Variants in CREM observed in about 807,000 individuals in gnomAD.
CREM encodes the protein cAMP-responsive element modulator.
In CREM, 13 loss-of-function variants were observed where a neutral mutation model predicts 37.3. The observed-to-expected ratio is 0.35, with a 90% confidence interval of 0.23 to 0.55. The LOEUF is 0.55. Ranked by LOEUF, CREM falls within the 20% of genes least tolerant of loss-of-function variation. CREM has a pLI of 0.88. For missense variants in CREM, 296 were observed against 362.3 expected, an observed-to-expected ratio of 0.82 and a Z score of 1.49; for synonymous variants, 124 against 120.2, an observed-to-expected ratio of 1.03 and a Z score of -0.21.
intron 3 of CREM, among the ~76,000 whole-genome samples, chr10:35,154,723 C>G (rs759486811): frequency 2.6e-5 from 4 of 152,016 alleles, no homozygotes; most frequent in Non-Finnish European, 5.9e-5. Flanking sequence ...TAATTTTTTT[C>G]AATAAATGCT....
At chr10:35,179,485 T>C (rs1160570457) in intron 5 of CREM, 1 of 543,178 alleles carries the variant, frequency 1.8e-6, no homozygotes, top group East Asian at 3.4e-5. Context: ...AAATTTTGAC[T>C]GCCGAATATA....
intron 2 of CREM, 34 bp downstream of exon 2, chr10:35,137,913 A>C: frequency 6.5e-7 from 1 of 1,545,334 alleles, no homozygotes; most frequent in African/African-American, 1.4e-5. Context: ...TTCTTTTGAA[A>C]ATTCTACTTA....
intron 3 of CREM, among the ~76,000 whole-genome samples, chr10:35,158,798 G>GTGTTTTTTTT (rs2093078412): frequency 3.0e-5 from 3 of 100,840 alleles, no homozygotes; most frequent in African/African-American, 1.1e-4. Context: ...CAAATATAGT[G>GTGTTTTTTTT]TTTTTTTTTT....
At chr10:35,171,865 T>C (rs1177013313) in intron 3 of CREM, among the ~76,000 whole-genome samples, 3 of 152,236 alleles carry the variant, frequency 2.0e-5, no homozygotes, top group Non-Finnish European at 1.5e-5. Flanking sequence ...GAAAATGTAA[T>C]ATCTTCAGAA....
chr10:35,137,881 T>G lies in CREM; in HGVS notation c.44+2T>G. On this transcript the variant is annotated splice_donor_variant, in intron 2 of 7. Transcript: ENST00000685392. LOFTEE classifies it high-confidence loss of function. ...AAAATATATTAAGACAAATCCAAGG[T>G]AGGTAGATGTACGTTTTTCTGTTCT... 6.3e-7 allele frequency: 1 copy of G among 1,583,068 alleles called. No homozygotes were observed. The highest frequency in any genetic ancestry group is 8.6e-7 in the Non-Finnish European group (1 of 1,164,676).
chr10:35,135,261 C>T (rs2090256344), intron 1 of CREM, among the ~76,000 whole-genome samples: 1 of 152,076 alleles, frequency 6.6e-6, no homozygotes, highest in African/African-American at 2.4e-5. Flanking sequence ...TATTACTTGC[C>T]TATAACAAAC....
intron 3 of CREM, among the ~76,000 whole-genome samples, chr10:35,153,586 A>AAGG (rs1274026275): frequency 1.3e-5 from 2 of 152,140 alleles, no homozygotes; most frequent in Admixed American, 6.5e-5. Flanking sequence ...CTAGGTGGGT[A>AAGG]AGGTCATTCA....
At chr10:35,196,364 T>C in intron 6 of CREM, 1 of 496,064 alleles carries the variant, frequency 2.0e-6, no homozygotes, top group South Asian at 2.6e-5. Flanking sequence ...TTTGGAAGAC[T>C]TAGTTACTAA....
At chr10:35,195,988 G>A in intron 6 of CREM, 1 of 1,529,954 alleles carries the variant, frequency 6.5e-7, no homozygotes, top group Non-Finnish European at 9.0e-7. Flanking sequence ...AGCTTTTCTT[G>A]TTAGCCCTAC....
intron 3 of CREM, among the ~76,000 whole-genome samples, chr10:35,172,190 ACATGGGCTCTGT>A (rs775057359): frequency 1.8e-4 from 28 of 152,232 alleles, no homozygotes; most frequent in Admixed American, 3.9e-4. Flanking sequence ...AGTCTCTGAC[ACATGGGCTCTGT>A]CAGGGTTACT....
At chr10:35,136,774 A>C (rs2090585839) in intron 1 of CREM, among the ~76,000 whole-genome samples, 2 of 148,852 alleles carry the variant, frequency 1.3e-5, no homozygotes, top group South Asian at 4.2e-4. Flanking sequence ...GCTCTAAAAG[A>C]AATTAAGGAC....
intron 6 of CREM, among the ~76,000 whole-genome samples, chr10:35,200,431 G>T (rs181246132): frequency 5.6e-4 from 85 of 152,304 alleles, no homozygotes; most frequent in Middle Eastern, 3.4e-3. Context: ...AGTATATACA[G>T]TTTTTGTCAA....
At chr10:35,150,406 T>C (rs1458479735) in intron 3 of CREM, among the ~76,000 whole-genome samples, 1 of 152,150 alleles carries the variant, frequency 6.6e-6, no homozygotes, top group Non-Finnish European at 1.5e-5. Flanking sequence ...CAGATGCCTT[T>C]TGCCCCAGAA....
At chr10:35,207,677 G>T (rs1188763559) in intron 7 of CREM, among the ~76,000 whole-genome samples, 1 of 152,068 alleles carries the variant, frequency 6.6e-6, no homozygotes, top group Non-Finnish European at 1.5e-5. Flanking sequence ...GGGAGGCTGA[G>T]GCAAGAGAAT....
intron 3 of CREM, among the ~76,000 whole-genome samples, chr10:35,172,258 C>T (rs2093856072): frequency 2.0e-5 from 3 of 152,194 alleles, no homozygotes; most frequent in Admixed American, 6.5e-5. Context: ...GCTGAAATCT[C>T]AGCCTGTCTG....
intron 6 of CREM, among the ~76,000 whole-genome samples, chr10:35,198,346 A>C (rs541563956): frequency 1.3e-5 from 2 of 152,166 alleles, no homozygotes; most frequent in East Asian, 3.9e-4. Context: ...AACATGGTGA[A>C]ACCCCGTCTC....
chr10:35,196,191 AC>A, intron 6 of CREM: 1 of 1,306,710 alleles, frequency 7.7e-7, no homozygotes, highest in Non-Finnish European at 1.1e-6. Context: ...CTTTACTCTT[AC>A]TCCATCCTCT....
At chr10:35,205,271 A>G (rs1564994835) in intron 6 of CREM, among the ~76,000 whole-genome samples, 1 of 152,236 alleles carries the variant, frequency 6.6e-6, no homozygotes, top group Non-Finnish European at 1.5e-5. Flanking sequence ...TACTAAGTAA[A>G]TATTAAACGC....
intron 6 of CREM, among the ~76,000 whole-genome samples, chr10:35,204,682 T>C (rs2095478818): frequency 6.6e-6 from 1 of 152,014 alleles, no homozygotes; most frequent in East Asian, 1.9e-4. Flanking sequence ...TACAACCTTA[T>C]AAACAATATT....
Sources: allele counts gnomAD v4.1 joint callset (sites outside exome capture counted in the v4.1 genomes callset), GRCh38; gene constraint gnomAD v4.1.1; transcripts MANE v1.5; gene names NCBI Gene and HGNC (gene_info 2026-07-23, HGNC 2026-07-21).